Variants in MTTP observed in about 807,000 individuals in gnomAD.
MTTP encodes the protein microsomal triglyceride transfer protein, also known as microsomal triglyceride transfer protein large subunit.
In MTTP, 49 loss-of-function variants were observed where a neutral mutation model predicts 90.6. The observed-to-expected ratio is 0.54, with a 90% CI of 0.43 to 0.69. MTTP has a LOEUF of 0.69. Among genes scored for constraint, MTTP ranks in the 30% least tolerant of loss-of-function variants. The pLI, the probability that MTTP is intolerant of heterozygous loss-of-function variation, is 0.00. For synonymous variants in MTTP, 347 were observed against 384.2 expected, an observed-to-expected ratio of 0.90 and a Z score of 1.13; for missense variants, 945 against 1,067.5, an observed-to-expected ratio of 0.89 and a Z score of 1.60.
rs41275711 is a variant in MTTP, at chr4:99,608,803, G to A, written c.1595G>A (p.Arg532His). ...TTAAACAGAATATACCACCAAAACC[G>A]TAAAGTTCATGAAAAGACTGTGCGC... is the stretch of plus-strand genomic sequence containing the variant. ...KTLNRIYHQN[R>H]KVHEKTVRTA... Residue 532 changes from arginine (R) to histidine (H), a missense_variant, in exon 12 of 18, where the codon CGT (arginine) becomes CAT (histidine). Transcript: ENST00000265517. The A allele has an allele frequency of 2.1e-5, 34 of 1,614,048 alleles. No individual in the cohort carries two copies. The highest frequency in any genetic ancestry group is 1.6e-4 in the Middle Eastern group (1 of 6,062).
chr4:99,573,067 C>T (rs1173211215), upstream of MTTP, among the ~76,000 whole-genome samples: 1 of 151,980 alleles, frequency 6.6e-6, no homozygotes, highest in South Asian at 2.1e-4. Flanking sequence ...ATTGGTTGGA[C>T]TCTGGAAAAC....
chr4:99,573,859 G>A (rs867576738), upstream of MTTP, among the ~76,000 whole-genome samples: 10 of 152,002 alleles, frequency 6.6e-5, no homozygotes, highest in Admixed American at 3.3e-4. Context: ...TCCCACAGGC[G>A]GCCTAAGTCA....
chr4:99,591,398 T>G (rs1040653383), intron 5 of MTTP, 47 bp downstream of exon 5: 1 of 1,358,404 alleles, frequency 7.4e-7, no homozygotes, highest in African/African-American at 1.4e-5. Flanking sequence ...AATTACATTT[T>G]GTAGAGACTA....
intron 16 of MTTP, 76 bp downstream of exon 16, chr4:99,619,174 GAATT>G: frequency 7.4e-7 from 1 of 1,349,098 alleles, no homozygotes; most frequent in Non-Finnish European, 1.1e-6. Flanking sequence ...TATGTTTTGG[GAATT>G]AATCTTCTGA....
At chr4:99,608,218 G>A (rs953072424) in intron 11 of MTTP, among the ~76,000 whole-genome samples, 19 of 151,932 alleles carry the variant, frequency 1.3e-4, no homozygotes, top group Non-Finnish European at 1.2e-4. Flanking sequence ...AGGCCGAGGC[G>A]GGTGGATCAC....
At chr4:99,593,764 C>T (rs535582340) in intron 6 of MTTP, among the ~76,000 whole-genome samples, 1 of 152,228 alleles carries the variant, frequency 6.6e-6, no homozygotes, top group South Asian at 2.1e-4. Flanking sequence ...ATTTTGCATT[C>T]TACTTCATAT....
intron 2 of MTTP, among the ~76,000 whole-genome samples, chr4:99,582,716 G>A (rs1725150076): frequency 6.6e-6 from 1 of 152,166 alleles, no homozygotes; most frequent in Non-Finnish European, 1.5e-5. Context: ...CTTGAGTAAA[G>A]TCAGTTATTC....
chr4:99,586,759 G>A (rs1725268602), intron 3 of MTTP, among the ~76,000 whole-genome samples: 1 of 152,052 alleles, frequency 6.6e-6, no homozygotes, highest in Admixed American at 6.6e-5. Context: ...AGGAAGGTGT[G>A]GAGAAAGGCA....
intron 11 of MTTP, 48 bp from the exon 12 acceptor site, chr4:99,608,718 C>A (rs758271596): frequency 4.2e-5 from 58 of 1,373,858 alleles, no homozygotes; most frequent in Non-Finnish European, 5.8e-5. Context: ...CTGAAATGTC[C>A]ATTTTAAAAA....
intron 12 of MTTP, 113 bp from the exon 13 acceptor site, chr4:99,611,030 G>A: frequency 9.1e-7 from 1 of 1,101,038 alleles, no homozygotes; most frequent in Non-Finnish European, 1.4e-6. Context: ...GGAAAGGCAT[G>A]AGGAAAATTT....
At chr4:99,605,982 A>T (rs927644136) in intron 10 of MTTP, among the ~76,000 whole-genome samples, 3 of 152,024 alleles carry the variant, frequency 2.0e-5, no homozygotes, top group African/African-American at 4.8e-5. Flanking sequence ...CTTTATTTTT[A>T]AAAAATTTTT....
intron 10 of MTTP, 101 bp downstream of exon 10, chr4:99,601,815 C>T: frequency 2.1e-5 from 19 of 886,052 alleles, no homozygotes; most frequent in Non-Finnish European, 3.0e-5. Context: ...TCTCTTTACT[C>T]TATTCTACTT....
At chr4:99,572,002 A>G (rs990849968), upstream of MTTP, among the ~76,000 whole-genome samples, 11 of 151,760 alleles carry the variant, frequency 7.2e-5, no homozygotes, top group Non-Finnish European at 1.6e-4. Context: ...TATATCTAGT[A>G]GGGTAATACA....
intron 10 of MTTP, among the ~76,000 whole-genome samples, chr4:99,605,960 G>A (rs1046526821): frequency 6.6e-6 from 1 of 151,736 alleles, no homozygotes; most frequent in Non-Finnish European, 1.5e-5. Flanking sequence ...GGATGAATTA[G>A]ATCTTAAAAC....
At position 99,611,065 on chromosome 4, in the gene MTTP, AT is replaced by A. The variant is rs5860586; in HGVS notation, c.1770-68del. On this transcript the variant is annotated intron_variant, in intron 12 of 17. Transcript: ENST00000265517. ...TGGCTTCCTCTTTTTTCCACTGAGG[AT>A]TTTTTTTTTCCAAATTTGACTTGGG... The A allele has an allele frequency of 0.12, 164,508 of 1,421,612 alleles. 9,670 individuals are homozygous for A. Among genetic ancestry groups the A allele is most frequent in the Middle Eastern group, 0.19 (960 of 5,076 alleles). The allele number at this position is 1,421,612 out of a possible 1,614,324, so 88.1% of individuals were successfully genotyped here. A position where few individuals can be genotyped will look rare whatever the true frequency, so the allele number is the denominator to read the frequency against.
chr4:99,570,880 C>A (rs1724826224), upstream of MTTP: 2 of 427,852 alleles, frequency 4.7e-6, no homozygotes. Flanking sequence ...GAAACAAATT[C>A]TCCCCTAAAG....
chr4:99,570,915 A>T, upstream of MTTP: 2 of 372,990 alleles, frequency 5.4e-6, no homozygotes, highest in Non-Finnish European at 5.3e-6. Context: ...TACACCTGCC[A>T]ATACTTTCAT....
intron 7 of MTTP, among the ~76,000 whole-genome samples, chr4:99,595,811 G>A (rs553330133): frequency 5.9e-5 from 9 of 151,430 alleles, no homozygotes; most frequent in Admixed American, 2.0e-4. Context: ...TGCTGTATGA[G>A]ATGGAAATTA....
At chr4:99,608,738 G>A in intron 11 of MTTP, 28 bp from the exon 12 acceptor site, 1 of 1,522,554 alleles carries the variant, frequency 6.6e-7, no homozygotes, top group Non-Finnish European at 9.1e-7. Flanking sequence ...ATCTAGATGT[G>A]CACTAAGTTT....
Sources: gnomAD v4.1 joint callset for allele counts (sites outside exome capture counted in the v4.1 genomes callset) on GRCh38, gnomAD v4.1.1 for gene constraint, MANE v1.5 for transcripts, NCBI Gene and HGNC (gene_info 2026-07-23, HGNC 2026-07-21) for gene names.